Variants in NAALADL2 observed in about 807,000 individuals in gnomAD.
The protein encoded by NAALADL2 is inactive N-acetylated-alpha-linked acidic dipeptidase-like protein 2.
In NAALADL2, 76 loss-of-function variants were observed where a neutral mutation model predicts 87.2. The observed-to-expected ratio is 0.87, with a 90% CI of 0.72 to 1.05. The LOEUF (loss-of-function observed/expected upper bound fraction) is 1.05. NAALADL2 is among the 50% of genes least tolerant of loss of function. The pLI is 0.00. For missense variants in NAALADL2, 1,089 were observed against 945.8 expected, an observed-to-expected ratio of 1.15 and a Z score of -1.99; for synonymous variants, 354 against 331.0, an observed-to-expected ratio of 1.07 and a Z score of -0.75.
At chr3:175,577,835 C>A (rs62285577) in intron 10 of NAALADL2, among the ~76,000 whole-genome samples, 21,564 of 151,998 alleles carry the variant, frequency 0.14, 1,656 homozygotes, top group Middle Eastern at 0.18. Context: ...GAACAGAATA[C>A]CCTTTGCTTT....
chr3:174,566,846 T>G (rs926515085), intron 2 of NAALADL2, among the ~76,000 whole-genome samples: 1 of 151,684 alleles, frequency 6.6e-6, no homozygotes, highest in Non-Finnish European at 1.5e-5. Context: ...GGGAGTCTGT[T>G]GTAGCATTTG....
intron 12 of NAALADL2, among the ~76,000 whole-genome samples, chr3:175,741,023 G>C (rs1238523500): frequency 1.3e-5 from 2 of 152,174 alleles, no homozygotes; most frequent in African/African-American, 4.8e-5. Context: ...GCTCACACAA[G>C]AGAGTAAAGG....
chr3:174,660,886 C>A (rs545358259), intron 2 of NAALADL2, among the ~76,000 whole-genome samples: 1 of 152,126 alleles, frequency 6.6e-6, no homozygotes, highest in South Asian at 2.1e-4. Flanking sequence ...CTAAAAGATG[C>A]ATTATGTTTG....
intron 4 of NAALADL2, among the ~76,000 whole-genome samples, chr3:175,269,671 T>C (rs535298095): frequency 6.6e-6 from 1 of 152,232 alleles, no homozygotes; most frequent in East Asian, 1.9e-4. Flanking sequence ...TGCTGTATGG[T>C]AAGTAACTGC....
chr3:175,511,991 C>A (rs1731221167), intron 9 of NAALADL2, among the ~76,000 whole-genome samples: 1 of 152,094 alleles, frequency 6.6e-6, no homozygotes, highest in African/African-American at 2.4e-5. Context: ...CCTGTAATTC[C>A]AGCAATTTGG....
rs527334435 is a variant in NAALADL2, at chr3:175,544,205, G to A, written c.1654-31836G>A. 3.9e-5 allele frequency among the ~76,000 whole-genome samples: 6 copies of A among 152,302 alleles called. No individual in the cohort carries two copies. The East Asian group carries it at 9.7e-4, about 25-fold the overall frequency. Reference sequence around the variant, plus strand: ...CTTTATAATTGCTAGACAAAGCAAGGTGAGAGTCCTGAATATAACCTTGAT... The same window carrying A: ...CTTTATAATTGCTAGACAAAGCAAGATGAGAGTCCTGAATATAACCTTGAT... On this transcript the variant is annotated intron_variant, in intron 9 of 13. Transcript: ENST00000454872.
intron 2 of NAALADL2, among the ~76,000 whole-genome samples, chr3:174,552,216 G>A (rs1055653402): frequency 1.6e-4 from 25 of 152,062 alleles, no homozygotes; most frequent in Middle Eastern, 3.4e-3. Flanking sequence ...TAATCTTTCC[G>A]AAAGCTCAGA....
intron 1 of NAALADL2, among the ~76,000 whole-genome samples, chr3:174,901,463 G>A (rs909916226): frequency 3.9e-5 from 6 of 152,168 alleles, no homozygotes; most frequent in Non-Finnish European, 7.4e-5. Flanking sequence ...AGCTTCATTA[G>A]GGGCTGGGCT....
At position 174,971,486 on chromosome 3, in the gene NAALADL2, C is replaced by G. The variant is rs559857280; in HGVS notation, c.43+112036C>G. Among the ~76,000 whole-genome samples, 4 of 152,074 alleles carry G rather than the reference C, an allele frequency of 2.6e-5. No homozygotes were observed. In the South Asian group the frequency reaches 8.3e-4, roughly 32 times the overall value. On this transcript the variant is annotated intron_variant, in intron 1 of 13. Coordinates refer to ENST00000454872, the MANE Select transcript of NAALADL2 (RefSeq NM_207015.3). ...TGAAAACACTACCTAAATTAGGTAC[C>G]CCTTTTATGGTCTTTACAGATTTCC...
intron 4 of NAALADL2, among the ~76,000 whole-genome samples, chr3:175,275,659 C>T (rs1360413175): frequency 6.6e-6 from 1 of 151,990 alleles, no homozygotes; most frequent in Admixed American, 6.6e-5. Flanking sequence ...CTTATATGTA[C>T]CTCTTGCCCA....
chr3:174,830,060 G>A lies in NAALADL2; in HGVS notation c.-9+92314G>A, dbSNP rs1300655224. Among the ~76,000 whole-genome samples, 3 of 120,934 alleles carry A rather than the reference G, an allele frequency of 2.5e-5. No individual in the cohort carries two copies. The South Asian group carries it at 8.7e-4, about 35-fold the overall frequency. The allele number at this position is 120,934 out of a possible 152,430, so 79.3% of individuals were successfully genotyped here. A position where few individuals can be genotyped will look rare whatever the true frequency, so the allele number is the denominator to read the frequency against. Reference sequence around the variant, plus strand: ...GGTTGTGAAAATTTTCTCCCATTTTGTAGGTTGCCTGTTCACTCTGATGGT... The same window carrying A: ...GGTTGTGAAAATTTTCTCCCATTTTATAGGTTGCCTGTTCACTCTGATGGT... On this transcript the variant is annotated intron_variant, in intron 3 of 3. Coordinates refer to the NAALADL2 transcript ENST00000434257.
At chr3:174,741,835 T>C (rs1733796112) in intron 3 of NAALADL2, among the ~76,000 whole-genome samples, 1 of 151,764 alleles carries the variant, frequency 6.6e-6, no homozygotes, top group Non-Finnish European at 1.5e-5. Context: ...CTGAAAACTA[T>C]CTTTACACAA....
intron 1 of NAALADL2, among the ~76,000 whole-genome samples, chr3:174,985,190 A>C (rs1382796413): frequency 6.6e-6 from 1 of 152,208 alleles, no homozygotes; most frequent in African/African-American, 2.4e-5. Context: ...AATGCTAAAT[A>C]ATATTATGAG....
chr3:175,215,906 C>T (rs1473273469), intron 2 of NAALADL2, among the ~76,000 whole-genome samples: 2 of 152,096 alleles, frequency 1.3e-5, no homozygotes, highest in African/African-American at 2.4e-5. Flanking sequence ...AAACATACTT[C>T]TGAAGAAAAA....
At chr3:175,303,012 T>C (rs1326037899) in intron 4 of NAALADL2, among the ~76,000 whole-genome samples, 7 of 152,038 alleles carry the variant, frequency 4.6e-5, no homozygotes, top group African/African-American at 1.7e-4. Flanking sequence ...ATAAAAGACA[T>C]TGACAGGTAC....
At chr3:174,638,583 C>A (rs972123874) in intron 2 of NAALADL2, among the ~76,000 whole-genome samples, 3 of 151,582 alleles carry the variant, frequency 2.0e-5, no homozygotes, top group Non-Finnish European at 4.4e-5. Flanking sequence ...GAAGGAGGGT[C>A]AGGTTTTTTT....
At chr3:175,465,399 A>T (rs758939354) in intron 7 of NAALADL2, among the ~76,000 whole-genome samples, 1 of 151,686 alleles carries the variant, frequency 6.6e-6, no homozygotes, top group Non-Finnish European at 1.5e-5. Flanking sequence ...CATTTATGGG[A>T]GATAAGTGAA....
intron 1 of NAALADL2, among the ~76,000 whole-genome samples, chr3:174,954,238 A>G (rs1371321951): frequency 6.6e-6 from 1 of 152,126 alleles, no homozygotes; most frequent in East Asian, 1.9e-4. Context: ...GGGGTATTTT[A>G]ATTTCTAAAA....
chr3:175,465,473 CTTT>C (rs71164634), intron 7 of NAALADL2, among the ~76,000 whole-genome samples: 17 of 106,718 alleles, frequency 1.6e-4, no homozygotes, highest in Admixed American at 3.4e-4. Flanking sequence ...TGAATTAAAT[CTTT>C]TTTTTTTTTT....
Sources: allele counts gnomAD v4.1 joint callset (sites outside exome capture counted in the v4.1 genomes callset), GRCh38; gene constraint gnomAD v4.1.1; transcripts MANE v1.5; gene names NCBI Gene and HGNC (gene_info 2026-07-23, HGNC 2026-07-21).